Variants in GPAM observed in about 807,000 individuals in gnomAD.
GPAM encodes glycerol-3-phosphate acyltransferase 1, mitochondrial.
GPAM carries 56 observed loss-of-function variants against 105.0 expected under a neutral mutation model. The observed-to-expected ratio is 0.53, with a 90% CI of 0.43 to 0.67. The LOEUF (loss-of-function observed/expected upper bound fraction) is 0.67, where lower values mean the gene tolerates loss of function less well. GPAM is among the 30% of genes least tolerant of loss of function. The pLI is 0.00. For missense variants in GPAM, 855 were observed against 989.8 expected, an observed-to-expected ratio of 0.86 and a Z score of 1.83; for synonymous variants, 368 against 354.4, an observed-to-expected ratio of 1.04 and a Z score of -0.43.
chr10:112,156,962 G>A, intron 19 of GPAM: 1 of 577,022 alleles, frequency 1.7e-6, no homozygotes, highest in Non-Finnish European at 3.1e-6. Flanking sequence ...CATGAGGGGT[G>A]CAGGTGTAGG....
chr10:112,157,296 C>T lies in GPAM; in HGVS notation c.2074G>A (p.Asp692Asn), dbSNP rs763627099. ...EPLSWRSDEE[D>N]EDSDFGEEQR... The stretch of plus-strand genomic sequence containing the variant: ...TCCTCCCCAAAGTCACTGTCTTCAT[C>T]TTCTTCATCACTTCTCCAAGACAAA... Residue 692 changes from aspartate to asparagine, a missense_variant, in exon 19 of 22, where the codon GAT becomes AAT. Transcript: ENST00000348367. The T allele has an allele frequency of 2.1e-5, 34 of 1,613,744 alleles. No individual in the cohort carries two copies. The East Asian group carries it at 7.1e-4, about 34-fold the overall frequency.
chr10:112,201,857 T>C (rs1847801392), intron 1 of GPAM, among the ~76,000 whole-genome samples: 1 of 152,192 alleles, frequency 6.6e-6, no homozygotes, highest in South Asian at 2.1e-4. Context: ...AAGCACCAAA[T>C]ATATATTTGT....
At chr10:112,166,586 C>T (rs866516372) in intron 11 of GPAM, 71 bp from the exon 12 acceptor site, 86 of 859,810 alleles carry the variant, frequency 1.0e-4, no homozygotes, top group Middle Eastern at 6.5e-4. Flanking sequence ...CTATTATCCA[C>T]AGAATAACTT....
At chr10:112,169,316 C>T (rs542172952) in intron 9 of GPAM, among the ~76,000 whole-genome samples, 11 of 152,260 alleles carry the variant, frequency 7.2e-5, no homozygotes, top group Admixed American at 3.3e-4. Context: ...GACCCTTAGA[C>T]ATTCTGAAAT....
intron 1 of GPAM, among the ~76,000 whole-genome samples, chr10:112,214,000 CA>C (rs1458756239): frequency 1.3e-5 from 2 of 152,192 alleles, no homozygotes; most frequent in Admixed American, 6.5e-5. Flanking sequence ...GTCATTATGA[CA>C]AACTTCTAGG....
chr10:112,160,882 GA>G lies in GPAM; in HGVS notation c.1495-15del, dbSNP rs773789922. The G allele has an allele frequency of 9.3e-6, 15 of 1,611,476 alleles. No individual in the cohort carries two copies. The highest frequency in any genetic ancestry group is 1.3e-5 in the Non-Finnish European group (15 of 1,178,418). On this transcript the variant is annotated splice_polypyrimidine_tract_variant and intron_variant, in intron 15 of 21. Transcript: ENST00000348367. The stretch of plus-strand genomic sequence containing the variant: ...GAGATCAATTCCCTAAAGAAAGATG[GA>G]AACGGTATCATGATGGTGGAAAACC...
intron 1 of GPAM, among the ~76,000 whole-genome samples, chr10:112,212,257 C>T (rs1847918861): frequency 1.3e-5 from 2 of 152,086 alleles, no homozygotes; most frequent in African/African-American, 4.8e-5. Context: ...AAAGTAATTC[C>T]GGTTTTCGCT....
Position 112,166,526 on chromosome 10 carries a change from A to G in GPAM, c.1108-11T>C, listed in dbSNP as rs1847220221. On this transcript the variant is annotated splice_polypyrimidine_tract_variant and intron_variant, in intron 11 of 21. Coordinates refer to ENST00000348367, the MANE Select transcript of GPAM (RefSeq NM_001244949.2). ...CTTCTTAGGTTTGCCCTAAATTCCA[A>G]TAGTGAGAATAACATGGTGAGAAAT... The G allele has an allele frequency of 7.2e-7, 1 of 1,388,226 alleles. No individual in the cohort carries two copies. 86.0% of individuals were successfully genotyped at this position (1,388,226 alleles called of 1,614,324 possible). A position where few individuals can be genotyped will look rare whatever the true frequency, so the allele number is the denominator to read the frequency against.
chr10:112,155,852 G>A lies in GPAM; in HGVS notation c.2311+12C>T. The stretch of plus-strand genomic sequence containing the variant: ...AAAAGATTTTAAAAGAATAAATAGT[G>A]ACTTAACATACCATATACTGCAACA... On this transcript the variant is annotated intron_variant, in intron 20 of 21. Coordinates refer to ENST00000348367, the MANE Select transcript of GPAM (RefSeq NM_001244949.2). 2 of 1,382,230 alleles carry A rather than the reference G, an allele frequency of 1.4e-6. No homozygotes were observed. Among genetic ancestry groups the A allele is most frequent in the Non-Finnish European group, 2.1e-6 (2 of 972,944 alleles). 85.6% of individuals were successfully genotyped at this position (1,382,230 alleles called of 1,614,324 possible).
Position 112,201,486 on chromosome 10 carries a change from C to G in GPAM, n.210+13682G>C, listed in dbSNP as rs150594481. On this transcript the variant is annotated intron_variant and non_coding_transcript_variant, in intron 1 of 3. Coordinates refer to the GPAM transcript ENST00000480130. ...TCCTCTATCACTCTCCCTTGCCTTA[C>G]TCAACCCTCGTCCCCAAGGTCATCT... Among the ~76,000 whole-genome samples the G allele has an allele frequency of 3.4e-3, 516 of 152,290 alleles. 4 individuals carry two copies. The highest frequency in any genetic ancestry group is 0.012 in the African/African-American group (493 of 41,556).
At chr10:112,171,999 G>A (rs1847320582) in intron 9 of GPAM, among the ~76,000 whole-genome samples, 183 bp downstream of exon 9, 1 of 152,016 alleles carries the variant, frequency 6.6e-6, no homozygotes, top group South Asian at 2.1e-4. Flanking sequence ...AAATAATGAT[G>A]ATAGTCTTAA....
Position 112,181,809 on chromosome 10 carries a change from A to G in GPAM, c.-25T>C. On this transcript the variant is annotated 5_prime_UTR_variant, in exon 3 of 22. An upstream start codon of the reference 5' UTR is lost. Coordinates refer to ENST00000348367, the MANE Select transcript of GPAM (RefSeq NM_001244949.2). ...TGTCACAAAGTGTAATTCCCAAATCATGTGCTATAAAAAATAGGTACCATT... is the reference window on the plus strand; with the variant it reads ...TGTCACAAAGTGTAATTCCCAAATCGTGTGCTATAAAAAATAGGTACCATT... 1 of 1,282,618 alleles carries G rather than the reference A, an allele frequency of 7.8e-7. No homozygotes were observed. Among genetic ancestry groups the G allele is most frequent in the Non-Finnish European group, 1.1e-6 (1 of 877,958 alleles). 79.5% of individuals were successfully genotyped at this position (1,282,618 alleles called of 1,614,324 possible).
At chr10:112,175,194 G>A (rs1316971969) in intron 6 of GPAM, among the ~76,000 whole-genome samples, 1 of 152,084 alleles carries the variant, frequency 6.6e-6, no homozygotes, top group Non-Finnish European at 1.5e-5. Flanking sequence ...TCCAGTACAA[G>A]AATTTGTACC....
intron 1 of GPAM, among the ~76,000 whole-genome samples, chr10:112,213,247 G>GA (rs1378333651): frequency 2.0e-5 from 3 of 151,792 alleles, no homozygotes; most frequent in East Asian, 3.9e-4. Context: ...TAGATGTAAA[G>GA]AAAAAAAAGC....
intron 1 of GPAM, among the ~76,000 whole-genome samples, chr10:112,196,578 C>A (rs534330812): frequency 6.6e-6 from 1 of 152,144 alleles, no homozygotes; most frequent in Non-Finnish European, 1.5e-5. Flanking sequence ...ATCTGAATTA[C>A]CTTATATAAA....
chr10:112,199,800 C>G (rs1847771010), intron 1 of GPAM, among the ~76,000 whole-genome samples: 1 of 152,096 alleles, frequency 6.6e-6, no homozygotes, highest in African/African-American at 2.4e-5. Context: ...ATTTATAAAA[C>G]TATCAGATCT....
At chr10:112,153,811 C>T (rs140848655) in intron 21 of GPAM, 145 bp from the exon 22 acceptor site, 1 of 797,100 alleles carries the variant, frequency 1.3e-6, no homozygotes, top group Non-Finnish European at 2.0e-6. Context: ...AAATGTATGC[C>T]TGGGTGTGTG....
At chr10:112,212,429 A>T (rs529924215) in intron 1 of GPAM, among the ~76,000 whole-genome samples, 1 of 151,976 alleles carries the variant, frequency 6.6e-6, no homozygotes, top group East Asian at 1.9e-4. Flanking sequence ...TGCCTGGCTA[A>T]TTTTTTTGTA....
chr10:112,227,514 C>A, the GPAM span, among the ~76,000 whole-genome samples: 1 of 152,224 alleles, frequency 6.6e-6, no homozygotes, highest in African/African-American at 2.4e-5. Context: ...AGGTCCAAAG[C>A]CCACTAGGCC....
Sources: gnomAD v4.1 joint callset for allele counts (sites outside exome capture counted in the v4.1 genomes callset) on GRCh38, gnomAD v4.1.1 for gene constraint, MANE v1.5 for transcripts, NCBI Gene and HGNC (gene_info 2026-07-23, HGNC 2026-07-21) for gene names.